The following PTPN11 variants were observed in gnomAD, a reference collection of about 807,000 sequenced individuals.
PTPN11 encodes protein tyrosine phosphatase non-receptor type 11.
PTPN11 carries 6 observed loss-of-function variants against 78.8 expected under a neutral mutation model. That is an observed-to-expected ratio of 0.08 (90% confidence interval 0.04 to 0.15). The LOEUF is 0.15. Among genes scored for constraint, PTPN11 ranks in the 10% least tolerant of loss-of-function variants. The pLI is 1.00. For synonymous variants in PTPN11, 221 were observed against 263.5 expected (o/e 0.84, Z 1.56); for missense variants, 386 against 744.8 (o/e 0.52, Z 5.61).
In PTPN11 at chr12:112,489,195, C is replaced by A. The variant is rs2135916858; in HGVS notation, c.1599+20C>A. 6.2e-7 allele frequency: 1 copy of A among 1,613,778 alleles called. No individual in the cohort carries two copies. The highest frequency in any genetic ancestry group is 8.5e-7 in the Non-Finnish European group (1 of 1,179,670). ...GAGCAGGTACCAGCCTGAGGGCTGG[C>A]ATGCGGATTCTCATTCTCTTGCTAG... On this transcript the variant is annotated intron_variant, in intron 13 of 15. Transcript: ENST00000351677.
At chr12:112,449,087 A>G (rs1005222824) in intron 2 of PTPN11, among the ~76,000 whole-genome samples, 1 of 149,676 alleles carries the variant, frequency 6.7e-6, no homozygotes, top group African/African-American at 2.5e-5. Flanking sequence ...GGGTTTCACC[A>G]TGTTGGCCAG....
intron 1 of PTPN11, among the ~76,000 whole-genome samples, chr12:112,442,633 G>T (rs2037911611): frequency 6.7e-6 from 1 of 150,314 alleles, no homozygotes; most frequent in Non-Finnish European, 1.5e-5. Flanking sequence ...TGTATTTTTA[G>T]TAGAGACAGG....
intron 13 of PTPN11, among the ~76,000 whole-genome samples, chr12:112,497,207 C>T (rs891999565): frequency 9.2e-5 from 14 of 151,432 alleles, no homozygotes; most frequent in Middle Eastern, 3.4e-3. Context: ...ATAATGATAG[C>T]AGAGCTGGAA....
intron 13 of PTPN11, among the ~76,000 whole-genome samples, chr12:112,490,395 C>G (rs1381611421): frequency 6.7e-6 from 1 of 149,624 alleles, no homozygotes; most frequent in Non-Finnish European, 1.5e-5. Flanking sequence ...CAGCCTCAAT[C>G]TCCCAGGCTT....
At chr12:112,489,837 T>G (rs1023196479) in intron 13 of PTPN11, among the ~76,000 whole-genome samples, 1 of 152,092 alleles carries the variant, frequency 6.6e-6, no homozygotes, top group African/African-American at 2.4e-5. Context: ...CAGTGGCGAG[T>G]GCCTGCATTA....
intron 2 of PTPN11, among the ~76,000 whole-genome samples, chr12:112,447,580 A>T (rs1425136720): frequency 6.6e-6 from 1 of 151,798 alleles, no homozygotes; most frequent in Non-Finnish European, 1.5e-5. Flanking sequence ...GCTCACTGCA[A>T]CCTCAGCCTC....
intron 6 of PTPN11, among the ~76,000 whole-genome samples, chr12:112,469,442 T>C (rs2038379711): frequency 6.6e-6 from 1 of 152,204 alleles, no homozygotes; most frequent in African/African-American, 2.4e-5. Context: ...TATATTCCCT[T>C]TTCTGTTTAC....
At chr12:112,478,132 A>G (rs2038538589) in intron 9 of PTPN11, 117 bp downstream of exon 9, 3 of 1,183,550 alleles carry the variant, frequency 2.5e-6, no homozygotes, top group Non-Finnish European at 3.7e-6. Context: ...ATTCTCTGGA[A>G]AAAAGGGACT....
intron 7 of PTPN11, among the ~76,000 whole-genome samples, chr12:112,474,053 T>G (rs2038459827): frequency 6.6e-6 from 1 of 151,408 alleles, no homozygotes; most frequent in African/African-American, 2.4e-5. Flanking sequence ...TGGTTGATTT[T>G]ACAGTTTTTC....
chr12:112,441,352 C>T (rs1428116428), intron 1 of PTPN11, among the ~76,000 whole-genome samples: 1 of 152,016 alleles, frequency 6.6e-6, no homozygotes. Flanking sequence ...TTCTCTGCCT[C>T]CCAGACTCAA....
At chr12:112,503,159 C>T (rs934497174) in intron 14 of PTPN11, among the ~76,000 whole-genome samples, 1 of 152,140 alleles carries the variant, frequency 6.6e-6, no homozygotes, top group Non-Finnish European at 1.5e-5. Flanking sequence ...AAACAAAGCC[C>T]GAAGAATAAT....
At chr12:112,469,313 A>C (rs1218266017) in intron 6 of PTPN11, among the ~76,000 whole-genome samples, 1 of 151,692 alleles carries the variant, frequency 6.6e-6, no homozygotes, top group Non-Finnish European at 1.5e-5. Flanking sequence ...GAAGGTCTCC[A>C]TATGGTAGTA....
At position 112,418,965 on chromosome 12, in the gene PTPN11, G is replaced by GAT; in HGVS notation, c.-147_-146insAT. ...GCTGCACAGTCTCCGGGATCCCCAG[G>GAT]CCTGGAGGGGGGTCTGTGCGCGGCC... On this transcript the variant is annotated 5_prime_UTR_variant, in exon 1 of 16. Transcript: ENST00000351677. 1.0e-6 allele frequency: 1 copy of GAT among 953,196 alleles called. No individual in the cohort carries two copies. Among genetic ancestry groups the GAT allele is most frequent in the Non-Finnish European group, 1.6e-6 (1 of 630,276 alleles). 59.0% of individuals were successfully genotyped at this position (953,196 alleles called of 1,614,324 possible).
intron 1 of PTPN11, among the ~76,000 whole-genome samples, chr12:112,444,928 TC>T (rs1487926366): frequency 1.3e-5 from 2 of 152,122 alleles, no homozygotes; most frequent in Non-Finnish European, 2.9e-5. Context: ...GGAGGCCAGT[TC>T]CTTTCATTGG....
At chr12:112,488,833 C>G (rs1026332455) in intron 12 of PTPN11, among the ~76,000 whole-genome samples, 191 bp from the exon 13 acceptor site, 3 of 152,162 alleles carry the variant, frequency 2.0e-5, no homozygotes, top group Admixed American at 6.5e-5. Context: ...TCTGCCACTT[C>G]GTTATTTATG....
intron 3 of PTPN11, among the ~76,000 whole-genome samples, chr12:112,452,754 C>T (rs1312939487): frequency 6.6e-6 from 1 of 152,144 alleles, no homozygotes; most frequent in East Asian, 1.9e-4. Flanking sequence ...GTCTTGAACT[C>T]CTGGCCTCAA....
rs569297745 is a variant in PTPN11, at chr12:112,460,747, C to G, written c.756+4684C>G. Among the ~76,000 whole-genome samples, 29 of 152,294 alleles carry G rather than the reference C, an allele frequency of 1.9e-4. No homozygotes were observed. In the South Asian group the frequency reaches 2.1e-3, roughly 11 times the overall value. On this transcript the variant is annotated intron_variant, in intron 6 of 15. Transcript: ENST00000351677. ...GTCCCAGCTACTCGGGAGGCTGAGG[C>G]AGGAGAATCGCTTGAACCCAGAAGG...
intron 1 of PTPN11, among the ~76,000 whole-genome samples, chr12:112,419,462 G>C (rs2037484906): frequency 6.6e-6 from 1 of 152,210 alleles, no homozygotes; most frequent in Non-Finnish European, 1.5e-5. Flanking sequence ...ATTGCCTCAT[G>C]AGAATTGCCT....
intron 11 of PTPN11, chr12:112,486,865 C>A (rs2038686422): frequency 7.0e-7 from 1 of 1,423,708 alleles, no homozygotes; most frequent in Non-Finnish European, 9.2e-7. Context: ...ACAGCAAAGA[C>A]TAAGTCAGCA....
Sources: gnomAD v4.1 joint callset for allele counts (sites outside exome capture counted in the v4.1 genomes callset) on GRCh38, gnomAD v4.1.1 for gene constraint, MANE v1.5 for transcripts, NCBI Gene and HGNC (gene_info 2026-07-23, HGNC 2026-07-21) for gene names.